Variants in ASPRV1 observed in about 807,000 individuals in gnomAD.
ASPRV1 encodes aspartic peptidase retroviral like 1, also known as retroviral-like aspartic protease 1.
In ASPRV1, 7 loss-of-function variants were observed where a neutral mutation model predicts 11.0. That is an observed-to-expected ratio of 0.64 (90% CI 0.36 to 1.20). The LOEUF (loss-of-function observed/expected upper bound fraction) is 1.20, where lower values mean the gene tolerates loss of function less well. ASPRV1 is among the 50% of genes most tolerant of loss of function. The pLI, the probability that ASPRV1 is intolerant of heterozygous loss-of-function variation, is 0.02. For synonymous variants in ASPRV1, 136 were observed against 138.4 expected, an observed-to-expected ratio of 0.98 and a Z score of 0.12; for missense variants, 299 against 320.0, an observed-to-expected ratio of 0.93 and a Z score of 0.50.
chr2:70,037,188 C>A, the ASPRV1 span, among the ~76,000 whole-genome samples: 1 of 152,214 alleles, frequency 6.6e-6, no homozygotes, highest in African/African-American at 2.4e-5. Context: ...GAGTGGCTCC[C>A]CTTTCCAGTT....
At chr2:70,019,178 A>T in the ASPRV1 span, 1 of 152,216 alleles carries the variant, frequency 6.6e-6, no homozygotes, top group African/African-American at 2.4e-5. Flanking sequence ...GAACTGCACT[A>T]ATCACCAGAG....
At chr2:69,961,681 C>T, upstream of ASPRV1, 1 of 1,537,278 alleles carries the variant, frequency 6.5e-7, no homozygotes, top group Non-Finnish European at 8.7e-7. Flanking sequence ...GGCCCCTGGG[C>T]TCCCCATTCT....
the ASPRV1 span, chr2:69,993,779 G>A: frequency 2.6e-5 from 4 of 152,214 alleles, no homozygotes; most frequent in East Asian, 7.7e-4. Context: ...ATGTGATTGT[G>A]TTTCCATGTG....
the ASPRV1 span, among the ~76,000 whole-genome samples, chr2:69,948,607 G>A: frequency 1.3e-5 from 2 of 152,200 alleles, no homozygotes; most frequent in South Asian, 2.1e-4. Context: ...GCCACGGAGG[G>A]CGGTGCTGAA....
At chr2:70,079,451 C>T in the ASPRV1 span, among the ~76,000 whole-genome samples, 1 of 151,990 alleles carries the variant, frequency 6.6e-6, no homozygotes, top group Non-Finnish European at 1.5e-5. Context: ...CCGGCCTGGA[C>T]AACAGAGTGA....
At chr2:70,059,018 G>C in the ASPRV1 span, among the ~76,000 whole-genome samples, 1 of 149,934 alleles carries the variant, frequency 6.7e-6, no homozygotes, top group South Asian at 2.1e-4. Flanking sequence ...CTCCTGAGTA[G>C]CTGGGACTAC....
At chr2:69,942,444 C>T in the ASPRV1 span, 2 of 152,140 alleles carry the variant, frequency 1.3e-5, no homozygotes, top group Non-Finnish European at 2.9e-5. Context: ...CTAGATTCAG[C>T]TATTGAATGG....
At chr2:70,004,109 C>T in the ASPRV1 span, among the ~76,000 whole-genome samples, 1 of 152,124 alleles carries the variant, frequency 6.6e-6, no homozygotes. Flanking sequence ...CAAACGGAGT[C>T]TTCTAAGGGT....
At chr2:69,964,509 A>AGCAC (rs1402366060), upstream of ASPRV1, 2 of 305,816 alleles carry the variant, frequency 6.5e-6, no homozygotes, top group Non-Finnish European at 1.3e-5. Flanking sequence ...ACAGCCTGGA[A>AGCAC]GCACACAGAG....
the ASPRV1 span, among the ~76,000 whole-genome samples, chr2:70,082,265 A>G: frequency 6.6e-6 from 1 of 151,974 alleles, no homozygotes; most frequent in Non-Finnish European, 1.5e-5. Flanking sequence ...CTTGGCCAGT[A>G]CGGCAACTTT....
chr2:69,963,269 G>A (rs1678198402), upstream of ASPRV1: 1 of 456,356 alleles, frequency 2.2e-6, no homozygotes, highest in Non-Finnish European at 4.4e-6. Context: ...AGGGGAAATG[G>A]AGTCACCGAG....
chr2:70,068,793 A>G, the ASPRV1 span, among the ~76,000 whole-genome samples: 1 of 151,722 alleles, frequency 6.6e-6, no homozygotes, highest in African/African-American at 2.4e-5. Context: ...AAAAATAACA[A>G]AATTAGCCAG....
the ASPRV1 span, chr2:70,071,832 A>C: frequency 6.6e-6 from 1 of 152,138 alleles, no homozygotes; most frequent in Non-Finnish European, 1.5e-5. Flanking sequence ...AGCAGGGCAC[A>C]GTGGCTCATG....
At chr2:70,074,240 C>CA in the ASPRV1 span, among the ~76,000 whole-genome samples, 1 of 148,990 alleles carries the variant, frequency 6.7e-6, no homozygotes, top group Non-Finnish European at 1.5e-5. Context: ...TTCCTATGAT[C>CA]AATTACAGAA....
At chr2:70,045,232 G>A in the ASPRV1 span, 5 of 152,266 alleles carry the variant, frequency 3.3e-5, no homozygotes, top group East Asian at 1.9e-4. Flanking sequence ...GGGCTCTGGC[G>A]TTGTACAGAC....
chr2:70,065,021 G>A, the ASPRV1 span, among the ~76,000 whole-genome samples: 251 of 152,204 alleles, frequency 1.6e-3, 3 homozygotes, highest in African/African-American at 5.9e-3. Context: ...CTTGAACCCA[G>A]GAGACAGACA....
chr2:69,976,530 T>G, the ASPRV1 span: 2 of 152,250 alleles, frequency 1.3e-5, no homozygotes, highest in Non-Finnish European at 2.9e-5. Flanking sequence ...AAATCCTTTC[T>G]GAACCTGACA....
chr2:69,978,727 C>T, the ASPRV1 span, among the ~76,000 whole-genome samples: 2 of 152,152 alleles, frequency 1.3e-5, no homozygotes, highest in African/African-American at 2.4e-5. Flanking sequence ...AAGCAAACCT[C>T]GCGCCCTCCA....
chr2:69,973,187 T>C, the ASPRV1 span, among the ~76,000 whole-genome samples: 1 of 152,342 alleles, frequency 6.6e-6, no homozygotes, highest in East Asian at 1.9e-4. Context: ...TACTCTTTAC[T>C]GTAAATTGCA....
Sources: allele counts gnomAD v4.1 joint callset (sites outside exome capture counted in the v4.1 genomes callset), GRCh38; gene constraint gnomAD v4.1.1; transcripts MANE v1.5; gene names NCBI Gene and HGNC (gene_info 2026-07-23, HGNC 2026-07-21).